Variants in IL1RAPL2 observed in about 807,000 individuals in gnomAD.
IL1RAPL2 encodes the protein X-linked interleukin-1 receptor accessory protein-like 2.
A neutral mutation model predicts 44.1 loss-of-function variants in IL1RAPL2; 3 were observed. The ratio of observed to expected loss-of-function variants is 0.07; its 90% confidence interval spans 0.03 to 0.18. The LOEUF (loss-of-function observed/expected upper bound fraction) is 0.18. Among genes scored for constraint, IL1RAPL2 ranks in the 10% least tolerant of loss-of-function variants. The probability of loss-of-function intolerance (pLI) is 1.00; values close to 1 mark genes in which losing one functional copy is unlikely to be tolerated. For synonymous variants in IL1RAPL2, 181 were observed against 178.8 expected (o/e 1.01, Z -0.10); for missense variants, 391 against 496.4 (o/e 0.79, Z 2.02).
intron 5 of IL1RAPL2, among the ~76,000 whole-genome samples, chrX:105,370,383 C>A (rs1008861519): frequency 1.8e-5 from 2 of 111,316 alleles, no homozygotes; most frequent in Admixed American, 9.6e-5. Context: ...TCCCACCCTC[C>A]ACCATCAAAT....
At chrX:105,640,436 A>C (rs1056427746) in intron 6 of IL1RAPL2, among the ~76,000 whole-genome samples, 9 of 107,489 alleles carry the variant, frequency 8.4e-5, no homozygotes, top group African/African-American at 3.0e-4. Flanking sequence ...AACAGGCTCA[A>C]AATACCCACA....
chrX:105,326,491 A>G (rs1174379897), intron 5 of IL1RAPL2, among the ~76,000 whole-genome samples: 1 of 111,389 alleles, frequency 9.0e-6, no homozygotes, highest in Non-Finnish European at 1.9e-5. Flanking sequence ...GTCTAACCCA[A>G]TATTACAAAG....
intron 2 of IL1RAPL2, among the ~76,000 whole-genome samples, chrX:105,178,185 G>A (rs1386452141): frequency 9.0e-6 from 1 of 110,679 alleles, no homozygotes; most frequent in Non-Finnish European, 1.9e-5. Context: ...TACCTCCATC[G>A]AGACCAATTC....
intron 6 of IL1RAPL2, among the ~76,000 whole-genome samples, chrX:105,628,296 G>C (rs1283119339): frequency 8.9e-6 from 1 of 111,782 alleles, no homozygotes; most frequent in African/African-American, 3.2e-5. Context: ...AAAGAGATTA[G>C]TCAATGAAGC....
chrX:104,923,651 G>A (rs1924699438), intron 2 of IL1RAPL2, among the ~76,000 whole-genome samples: 1 of 111,429 alleles, frequency 9.0e-6, no homozygotes, highest in Admixed American at 9.6e-5. Flanking sequence ...AATGCTCAAA[G>A]GTGTGATAAA....
At chrX:104,803,529 T>C (rs1416946228) in intron 2 of IL1RAPL2, among the ~76,000 whole-genome samples, 4 of 112,220 alleles carry the variant, frequency 3.6e-5, no homozygotes, top group Non-Finnish European at 7.5e-5. Flanking sequence ...AAAGTCAACA[T>C]TTGAGGTGTT....
intron 6 of IL1RAPL2, among the ~76,000 whole-genome samples, chrX:105,637,977 C>A (rs927697167): frequency 8.9e-6 from 1 of 111,920 alleles, no homozygotes; most frequent in Non-Finnish European, 1.9e-5. Context: ...GAGCCTCTGA[C>A]GAAAATCTGA....
intron 2 of IL1RAPL2, among the ~76,000 whole-genome samples, chrX:104,908,805 T>C (rs1045207946): frequency 3.7e-5 from 4 of 108,692 alleles, no homozygotes; most frequent in African/African-American, 1.3e-4. Context: ...TCTCGAGGAG[T>C]ATCTTTGTGG....
intron 2 of IL1RAPL2, among the ~76,000 whole-genome samples, chrX:104,978,396 T>C (rs1216015805): frequency 9.0e-6 from 1 of 111,659 alleles, no homozygotes; most frequent in Non-Finnish European, 1.9e-5. Flanking sequence ...TTAGTCTTCT[T>C]CAATGTCTAA....
rs1421632227 is a variant in IL1RAPL2 at position 105,076,909 on chromosome X, C to T, written c.83-118566C>T. On this transcript the variant is annotated intron_variant, in intron 2 of 10. Coordinates refer to ENST00000372582, the MANE Select transcript of IL1RAPL2 (RefSeq NM_017416.2). ...TCCATTTCCTTGGTAGATCTTCCTCCATCCCTTTATTTTGAGTCTATGTGT... is the reference window on the plus strand; with the variant it reads ...TCCATTTCCTTGGTAGATCTTCCTCTATCCCTTTATTTTGAGTCTATGTGT... Among the ~76,000 whole-genome samples, 5 of 110,961 alleles carry T rather than the reference C, an allele frequency of 4.5e-5. No homozygotes were observed. In the South Asian group the frequency reaches 1.1e-3, roughly 25 times the overall value.
intron 2 of IL1RAPL2, among the ~76,000 whole-genome samples, chrX:104,747,228 A>G (rs1341211537): frequency 9.0e-6 from 1 of 111,023 alleles, no homozygotes; most frequent in Admixed American, 9.6e-5. Flanking sequence ...CATCTGCTCC[A>G]TGGAGACTTT....
intron 1 of IL1RAPL2, among the ~76,000 whole-genome samples, chrX:104,579,433 T>A (rs1928301457): frequency 1.8e-5 from 2 of 112,213 alleles, no homozygotes; most frequent in Non-Finnish European, 3.8e-5. Context: ...AATGAAATCA[T>A]GTCCTTTGCA....
intron 1 of IL1RAPL2, among the ~76,000 whole-genome samples, chrX:104,593,250 C>A (rs1051456658): frequency 9.0e-6 from 1 of 111,440 alleles, no homozygotes; most frequent in Admixed American, 9.6e-5. Flanking sequence ...GACCAAATAG[C>A]AATTTAAAAG....
rs1019115390 is a variant in IL1RAPL2, at chrX:105,275,236, G to C, written c.697+7695G>C. On this transcript the variant is annotated intron_variant, in intron 5 of 10. Transcript: ENST00000372582. Reference sequence around the variant, plus strand: ...AAAAAAAAAAAGCGGTGGGGGAATGGGATATATTTTTAGGACATTTCCTAA... The same window carrying C: ...AAAAAAAAAAAGCGGTGGGGGAATGCGATATATTTTTAGGACATTTCCTAA... 2.1e-4 allele frequency among the ~76,000 whole-genome samples: 23 copies of C among 109,837 alleles called. 1 individual carries two copies. Among genetic ancestry groups the C allele is most frequent in the African/African-American group, 7.3e-4 (22 of 30,219 alleles).
chrX:104,757,908 A>G (rs760082228), intron 2 of IL1RAPL2, among the ~76,000 whole-genome samples: 4 of 112,082 alleles, frequency 3.6e-5, no homozygotes, highest in Non-Finnish European at 7.5e-5. Flanking sequence ...CCCACAGTGA[A>G]CATGCTGAAA....
At chrX:104,909,962 C>A (rs1924178511) in intron 2 of IL1RAPL2, among the ~76,000 whole-genome samples, 1 of 112,484 alleles carries the variant, frequency 8.9e-6, no homozygotes, top group African/African-American at 3.2e-5. Flanking sequence ...CTCGCTGACG[C>A]CTTGCAGTTT....
intron 1 of IL1RAPL2, among the ~76,000 whole-genome samples, chrX:104,645,243 CAA>C (rs997268127): frequency 9.0e-6 from 1 of 111,609 alleles, no homozygotes; most frequent in African/African-American, 3.3e-5. Context: ...CTTAAGACTA[CAA>C]AATATTTATA....
In IL1RAPL2 at chrX:105,717,020, T is replaced by G. The variant is rs763327133; in HGVS notation, c.773-347T>G. On this transcript the variant is annotated intron_variant, in intron 6 of 10. Transcript: ENST00000372582. Reference sequence around the variant, plus strand: ...GTGTGGTCCCAGCTACTTGGGAGGCTGAGGTGGGAGGATCACTTGAGCCAG... The same window carrying G: ...GTGTGGTCCCAGCTACTTGGGAGGCGGAGGTGGGAGGATCACTTGAGCCAG... 5.4e-5 allele frequency among the ~76,000 whole-genome samples: 6 copies of G among 111,775 alleles called. No individual in the cohort carries two copies. In the South Asian group the frequency reaches 2.3e-3, roughly 42 times the overall value.
chrX:105,520,318 C>A (rs1039587135), intron 6 of IL1RAPL2, among the ~76,000 whole-genome samples: 1 of 112,105 alleles, frequency 8.9e-6, no homozygotes, highest in Non-Finnish European at 1.9e-5. Flanking sequence ...TTTTGAGATA[C>A]ACATACTCAG....
Sources: gnomAD v4.1 joint callset for allele counts (sites outside exome capture counted in the v4.1 genomes callset) on GRCh38, gnomAD v4.1.1 for gene constraint, MANE v1.5 for transcripts, NCBI Gene and HGNC (gene_info 2026-07-23, HGNC 2026-07-21) for gene names.